Variants in FMN2 observed in about 807,000 individuals in gnomAD.
FMN2 encodes the protein formin 2.
A neutral mutation model predicts 142.3 loss-of-function variants in FMN2; 51 were observed. The ratio of observed to expected loss-of-function variants is 0.36; its 90% CI spans 0.29 to 0.45. The LOEUF (loss-of-function observed/expected upper bound fraction) is 0.45. FMN2 is among the 20% of genes least tolerant of loss of function. The pLI is 1.00. For synonymous variants in FMN2, 882 were observed against 869.8 expected, an observed-to-expected ratio of 1.01 and a Z score of -0.25; for missense variants, 1,936 against 2,122.8, an observed-to-expected ratio of 0.91 and a Z score of 1.73.
At chr1:240,423,671 G>A (rs1024991383) in intron 15 of FMN2, among the ~76,000 whole-genome samples, 2 of 152,238 alleles carry the variant, frequency 1.3e-5, no homozygotes, top group Admixed American at 6.5e-5. Context: ...CAGAGAGAAA[G>A]GCAGAGACCC....
intron 1 of FMN2, among the ~76,000 whole-genome samples, chr1:240,103,964 C>T (rs1010270126): frequency 2.0e-5 from 3 of 151,726 alleles, no homozygotes; most frequent in Non-Finnish European, 4.4e-5. Context: ...GCAAGCTCCG[C>T]CTCCCAGGTT....
intron 2 of FMN2, among the ~76,000 whole-genome samples, chr1:240,159,988 CACACACACACAT>C (rs1450213014): frequency 1.4e-5 from 2 of 146,046 alleles, no homozygotes; most frequent in East Asian, 3.9e-4. Flanking sequence ...CACACACACA[CACACACACACAT>C]ACACACATAT....
At chr1:240,094,320 A>G (rs1661125244) in intron 1 of FMN2, among the ~76,000 whole-genome samples, 1 of 152,232 alleles carries the variant, frequency 6.6e-6, no homozygotes, top group African/African-American at 2.4e-5. Context: ...TTGCTGCTGC[A>G]AGAAAATCCG....
chr1:240,298,564 G>A (rs917988414), intron 8 of FMN2, among the ~76,000 whole-genome samples: 9 of 152,278 alleles, frequency 5.9e-5, no homozygotes, highest in African/African-American at 1.9e-4. Flanking sequence ...TGGTGAGCAA[G>A]CATTACTGCC....
chr1:240,180,140 G>A, intron 3 of FMN2: 1 of 1,267,006 alleles, frequency 7.9e-7, no homozygotes, highest in South Asian at 1.3e-5. Flanking sequence ...GAAATAACTT[G>A]TCTCCTTTTT....
chr1:240,121,706 G>GGT (rs1417737985), intron 1 of FMN2, among the ~76,000 whole-genome samples: 2 of 109,594 alleles, frequency 1.8e-5, no homozygotes, highest in Non-Finnish European at 3.3e-5. Context: ...TTCTTATTAT[G>GGT]CCTCTCTTGC....
At chr1:240,228,303 C>CAAAAAAAAAAAAAAAAAAAAA (rs577421634) in intron 6 of FMN2, among the ~76,000 whole-genome samples, 43 of 47,742 alleles carry the variant, frequency 9.0e-4, no homozygotes, top group Non-Finnish European at 1.6e-3. Context: ...AACTCTGTCT[C>CAAAAAAAAAAAAAAAAAAAAA]AAAAAAAAAA....
chr1:240,330,293 A>G (rs960999924), intron 10 of FMN2, among the ~76,000 whole-genome samples: 4 of 152,196 alleles, frequency 2.6e-5, no homozygotes, highest in African/African-American at 9.6e-5. Context: ...AATAGTTATC[A>G]TATAGCCTTT....
intron 14 of FMN2, among the ~76,000 whole-genome samples, chr1:240,372,006 C>T (rs534084276): frequency 7.2e-5 from 11 of 152,092 alleles, no homozygotes; most frequent in East Asian, 5.8e-4. Flanking sequence ...GAGGCCGAGG[C>T]GGGTGGATCA....
chr1:240,106,339 C>T (rs1216862709), intron 1 of FMN2, among the ~76,000 whole-genome samples: 2 of 152,172 alleles, frequency 1.3e-5, no homozygotes, highest in African/African-American at 4.8e-5. Context: ...CATTTCCCTG[C>T]ATGTTGATAA....
intron 15 of FMN2, among the ~76,000 whole-genome samples, chr1:240,405,390 AG>A (rs1558474360): frequency 1.3e-5 from 2 of 152,168 alleles, no homozygotes; most frequent in African/African-American, 4.8e-5. Flanking sequence ...AGGCCAAGGA[AG>A]GTGGATCACC....
intron 1 of FMN2, among the ~76,000 whole-genome samples, chr1:240,110,140 A>G (rs1488819910): frequency 1.3e-5 from 2 of 152,100 alleles, no homozygotes; most frequent in African/African-American, 4.8e-5. Flanking sequence ...TTTCTTTTAT[A>G]TCCGAATGCA....
At chr1:240,462,672 G>A (rs1009171261) in intron 16 of FMN2, among the ~76,000 whole-genome samples, 1 of 152,134 alleles carries the variant, frequency 6.6e-6, no homozygotes, top group African/African-American at 2.4e-5. Flanking sequence ...ATACTTGCTT[G>A]TGTGAGCTTT....
At chr1:240,182,806 AAC>A (rs1399217375) in intron 3 of FMN2, among the ~76,000 whole-genome samples, 1 of 152,174 alleles carries the variant, frequency 6.6e-6, no homozygotes, top group Non-Finnish European at 1.5e-5. Context: ...TGAGATTGAA[AAC>A]ACAGTCACTC....
chr1:240,098,504 C>T (rs1347064376), intron 1 of FMN2, among the ~76,000 whole-genome samples: 4 of 152,048 alleles, frequency 2.6e-5, no homozygotes, highest in Non-Finnish European at 5.9e-5. Context: ...CAGCAGAGCC[C>T]CTGACAGAGT....
chr1:240,132,378 T>C (rs1361563710), intron 2 of FMN2, among the ~76,000 whole-genome samples: 1 of 152,028 alleles, frequency 6.6e-6, no homozygotes, highest in Non-Finnish European at 1.5e-5. Flanking sequence ...TGGAGAATAA[T>C]TAGATGTAGT....
chr1:240,136,871 G>C (rs1238074030), intron 2 of FMN2, among the ~76,000 whole-genome samples: 1 of 152,026 alleles, frequency 6.6e-6, no homozygotes, highest in Non-Finnish European at 1.5e-5. Context: ...AGGAGTTTGA[G>C]ATCAGCCTGA....
chr1:240,185,987 A>G (rs1003724238), intron 3 of FMN2, among the ~76,000 whole-genome samples: 1 of 152,228 alleles, frequency 6.6e-6, no homozygotes, highest in African/African-American at 2.4e-5. Flanking sequence ...AGATTTGTCA[A>G]TATAAGAGAA....
At chr1:240,396,580 C>T (rs1673785979) in intron 15 of FMN2, among the ~76,000 whole-genome samples, 1 of 151,960 alleles carries the variant, frequency 6.6e-6, no homozygotes, top group Non-Finnish European at 1.5e-5. Context: ...GCGTAGTACT[C>T]AGTGGGTGGT....
Sources: allele counts gnomAD v4.1 joint callset (sites outside exome capture counted in the v4.1 genomes callset), GRCh38; gene constraint gnomAD v4.1.1; transcripts MANE v1.5; gene names NCBI Gene and HGNC (gene_info 2026-07-23, HGNC 2026-07-21).